The following SMPX variants were observed in gnomAD, a reference collection of about 807,000 sequenced individuals.
SMPX encodes the protein small muscular protein.
Under a neutral mutation model 6.3 loss-of-function variants are expected in SMPX, and 2 were observed. The ratio of observed to expected loss-of-function variants is 0.32; its 90% CI spans 0.13 to 0.99. The LOEUF is 0.99. SMPX is among the 50% of genes least tolerant of loss of function. The probability of loss-of-function intolerance (pLI) is 0.49; values close to 1 mark genes in which losing one functional copy is unlikely to be tolerated. For missense variants in SMPX, 60 were observed against 66.8 expected, an observed-to-expected ratio of 0.90 and a Z score of 0.36; for synonymous variants, 32 against 24.7, an observed-to-expected ratio of 1.30 and a Z score of -0.88.
intron 4 of SMPX, among the ~76,000 whole-genome samples, chrX:21,709,813 A>G (rs1294746308): frequency 1.8e-5 from 2 of 112,107 alleles, no homozygotes; most frequent in Non-Finnish European, 3.8e-5. Flanking sequence ...TAAGAGGCCC[A>G]TGACAAGCTT....
At chrX:21,713,851 A>C (rs2092781354) in intron 4 of SMPX, among the ~76,000 whole-genome samples, 2 of 112,392 alleles carry the variant, frequency 1.8e-5, no homozygotes, top group Non-Finnish European at 3.8e-5. Flanking sequence ...TTACTTAACA[A>C]ATATTCATGC....
chrX:21,706,226 G>T lies in SMPX; in HGVS notation c.*183C>A. ...TGTTCTGTGAGGTGCCAAAAATGAA[G>T]ATAAAGTAAGAAATACAGCCAACTA... On this transcript the variant is annotated 3_prime_UTR_variant, in exon 5 of 5. Coordinates refer to ENST00000379494, the MANE Select transcript of SMPX (RefSeq NM_014332.3). 2.0e-6 allele frequency: 1 copy of T among 507,365 alleles called. No individual in the cohort carries two copies. Among genetic ancestry groups the T allele is most frequent in the Non-Finnish European group, 3.5e-6 (1 of 283,110 alleles). 41.8% of individuals were successfully genotyped at this position (507,365 alleles called of 1,213,427 possible).
At chrX:21,725,531 T>C (rs2147379083) in intron 4 of SMPX, among the ~76,000 whole-genome samples, 1 of 112,249 alleles carries the variant, frequency 8.9e-6, no homozygotes, top group South Asian at 3.8e-4. Flanking sequence ...AGTTAAAAAT[T>C]AGGGTGAGAG....
chrX:21,748,578 C>T, intron 2 of SMPX, among the ~76,000 whole-genome samples: 1 of 111,738 alleles, frequency 8.9e-6, no homozygotes, highest in East Asian at 2.8e-4. Flanking sequence ...TAGAGCTAGG[C>T]AGAGCCGCAA....
At chrX:21,747,842 A>G (rs1217622060) in intron 2 of SMPX, among the ~76,000 whole-genome samples, 1 of 111,084 alleles carries the variant, frequency 9.0e-6, no homozygotes, top group African/African-American at 3.3e-5. Flanking sequence ...CCCCCTACTG[A>G]TTCAATCTTT....
Position 21,737,628 on chromosome X carries a change from C to T in SMPX, c.202G>A (p.Val68Ile), listed in dbSNP as rs912201362. The change falls in exon 4 of 5, where the codon GTC becomes ATC. Residue 68 changes from valine (V) to isoleucine (I), a missense_variant. Coordinates refer to ENST00000379494, the MANE Select transcript of SMPX (RefSeq NM_014332.3). The stretch of plus-strand genomic sequence containing the variant: ...ATATTCTGGATTTCCGATAGATTGA[C>T]TGCAGGTCCTGGAAGTTTCTTCGCT... ...PGAKKLPGPA[V>I]NLSEIQNIKS... 1 of 1,204,877 alleles carries T rather than the reference C, an allele frequency of 8.3e-7. No homozygotes were observed. Among genetic ancestry groups the T allele is most frequent in the East Asian group, 3.0e-5 (1 of 33,821 alleles).
chrX:21,743,925 C>T, intron 2 of SMPX, 89 bp from the exon 3 acceptor site: 2 of 698,651 alleles, frequency 2.9e-6, no homozygotes, highest in East Asian at 3.2e-5. Context: ...AAGAAAAATG[C>T]GTCTGAAAAG....
intron 1 of SMPX, among the ~76,000 whole-genome samples, chrX:21,755,598 A>G (rs1242225769): frequency 8.9e-6 from 1 of 112,488 alleles, no homozygotes; most frequent in African/African-American, 3.2e-5. Flanking sequence ...TAATTTATAT[A>G]GGTATGTTCC....
intron 4 of SMPX, among the ~76,000 whole-genome samples, chrX:21,734,464 C>A (rs1322207954): frequency 5.4e-5 from 6 of 111,625 alleles, no homozygotes; most frequent in African/African-American, 1.3e-4. Context: ...TTGGAGGACA[C>A]CTGGTTTCTA....
chrX:21,713,056 CTGAT>C (rs372612581), intron 4 of SMPX, among the ~76,000 whole-genome samples: 184 of 112,569 alleles, frequency 1.6e-3, no homozygotes, highest in African/African-American at 5.6e-3. Context: ...CACCTTAAAG[CTGAT>C]TGATTGATTG....
intron 3 of SMPX, among the ~76,000 whole-genome samples, chrX:21,741,706 A>G (rs1469464391): frequency 1.8e-5 from 2 of 111,227 alleles, no homozygotes; most frequent in Admixed American, 1.9e-4. Context: ...CTGCCCAATG[A>G]GCTCTATGAG....
At chrX:21,749,647 C>T (rs757096111) in intron 2 of SMPX, among the ~76,000 whole-genome samples, 63 of 112,004 alleles carry the variant, frequency 5.6e-4, no homozygotes, top group African/African-American at 2.0e-3. Flanking sequence ...ATTGTATAAT[C>T]CTGGGGGAGT....
chrX:21,720,189 A>G (rs772926611), intron 4 of SMPX, among the ~76,000 whole-genome samples: 3 of 112,645 alleles, frequency 2.7e-5, no homozygotes, highest in Non-Finnish European at 5.6e-5. Flanking sequence ...TTCCAAGGCT[A>G]GGCCATAAAA....
rs148167590 is a variant in SMPX, at chrX:21,753,419, G to A, written c.45+827C>T. Among the ~76,000 whole-genome samples, 768 of 111,567 alleles carry A rather than the reference G, an allele frequency of 6.9e-3. 2 individuals are homozygous for A. Among genetic ancestry groups the A allele is most frequent in the Non-Finnish European group, 0.012 (629 of 53,150 alleles). On this transcript the variant is annotated intron_variant, in intron 2 of 4. Coordinates refer to ENST00000379494, the MANE Select transcript of SMPX (RefSeq NM_014332.3). ...CCATTTATGATTGTGTTTCTGTTGT[G>A]ATGGTGCATCAGGCCTAAAATATTC...
At chrX:21,747,168 C>T (rs1478450648) in intron 2 of SMPX, among the ~76,000 whole-genome samples, 3 of 111,880 alleles carry the variant, frequency 2.7e-5, no homozygotes, top group African/African-American at 9.7e-5. Flanking sequence ...GCTTCCTTCT[C>T]TCTATAGATT....
chrX:21,734,805 T>C (rs2092808828), intron 4 of SMPX, among the ~76,000 whole-genome samples: 1 of 111,830 alleles, frequency 8.9e-6, no homozygotes, highest in African/African-American at 3.3e-5. Flanking sequence ...ATGTTTTTAA[T>C]TGATTTCTGT....
chrX:21,754,354 T>A, intron 1 of SMPX, 52 bp from the exon 2 acceptor site: 1 of 943,680 alleles, frequency 1.1e-6, no homozygotes, highest in Non-Finnish European at 1.5e-6. Context: ...AGATCCTCAG[T>A]CTTGATAAAT....
rs1464364604 is a variant in SMPX at position 21,731,529 on chromosome X, T to TAC, written c.*14+6018_*14+6019dup. Among the ~76,000 whole-genome samples, 10 of 87,050 alleles carry TAC rather than the reference T, an allele frequency of 1.1e-4. 2 individuals carry two copies. The highest frequency in any genetic ancestry group is 1.9e-4 in the Non-Finnish European group (8 of 42,825). 75.6% of individuals were successfully genotyped at this position (87,050 alleles called of 115,157 possible). A position where few individuals can be genotyped will look rare whatever the true frequency, so the allele number is the denominator to read the frequency against. On this transcript the variant is annotated intron_variant, in intron 4 of 4. Transcript: ENST00000379494. Reference sequence around the variant, plus strand: ...CACATTATGTGTGTATGTGTACACATACACATTATGTGTGTATGTGTATAT... The same window carrying TAC: ...CACATTATGTGTGTATGTGTACACATACACACATTATGTGTGTATGTGTATAT...
At chrX:21,751,821 T>C (rs780533873) in intron 2 of SMPX, among the ~76,000 whole-genome samples, 5 of 112,322 alleles carry the variant, frequency 4.5e-5, no homozygotes, top group African/African-American at 1.6e-4. Context: ...AGTCCCTTAT[T>C]AATCAGGGCT....
Sources: allele counts gnomAD v4.1 joint callset (sites outside exome capture counted in the v4.1 genomes callset), GRCh38; gene constraint gnomAD v4.1.1; transcripts MANE v1.5; gene names NCBI Gene and HGNC (gene_info 2026-07-23, HGNC 2026-07-21).